FOXP2: variants seen among roughly 807,000 people sequenced by gnomAD.
FOXP2 encodes the protein forkhead box protein P2.
Under a neutral mutation model 115.8 loss-of-function variants are expected in FOXP2, and 12 were observed. The ratio of observed to expected loss-of-function variants is 0.10; its 90% CI spans 0.07 to 0.17. The LOEUF (loss-of-function observed/expected upper bound fraction) is 0.17, where lower values mean the gene tolerates loss of function less well. Ranked by LOEUF, FOXP2 falls within the 10% of genes least tolerant of loss-of-function variation. FOXP2 has a pLI of 1.00. For missense variants in FOXP2, 629 were observed against 843.5 expected, an observed-to-expected ratio of 0.75 and a Z score of 3.15; for synonymous variants, 328 against 297.7, an observed-to-expected ratio of 1.10 and a Z score of -1.05.
At chr7:114,374,890 C>T (rs1792104106) in intron 2 of FOXP2, among the ~76,000 whole-genome samples, 1 of 152,048 alleles carries the variant, frequency 6.6e-6, no homozygotes, top group Non-Finnish European at 1.5e-5. Context: ...TGTAGAAGTT[C>T]ATTGGGATTG....
intron 3 of FOXP2, among the ~76,000 whole-genome samples, chr7:114,537,515 T>C (rs1031141549): frequency 6.6e-6 from 1 of 151,618 alleles, no homozygotes; most frequent in East Asian, 1.9e-4. Flanking sequence ...AACATTCACC[T>C]GAATTTCTTT....
chr7:114,481,762 CTCTATCTATCTA>C lies in FOXP2; in HGVS notation c.169-52817_169-52806del, dbSNP rs3028214. 5.5e-3 allele frequency among the ~76,000 whole-genome samples: 801 copies of C among 145,388 alleles called. 9 individuals carry two copies. Among genetic ancestry groups the C allele is most frequent in the African/African-American group, 0.017 (665 of 39,608 alleles). On this transcript the variant is annotated intron_variant, in intron 2 of 16. Coordinates refer to ENST00000350908, the MANE Select transcript of FOXP2 (RefSeq NM_014491.4). ...CGTTGCAGATGATCTCATATGGAAA[CTCTATCTATCTA>C]TCTATCTATCTATCTATCTATCTAT...
intron 2 of FOXP2, among the ~76,000 whole-genome samples, chr7:114,456,723 C>T (rs1196387681): frequency 2.0e-5 from 3 of 152,130 alleles, no homozygotes; most frequent in Non-Finnish European, 2.9e-5. Flanking sequence ...TTTGCACTCT[C>T]ATGGTCATGG....
rs540143276 is a variant in FOXP2, at chr7:114,166,486, C to T, written c.-102+3398C>T. ...TGGGAGTTCCGACGTGGGCAGATCA[C>T]GAGGTCAGGAGATCAAGACCATCCT... On this transcript the variant is annotated intron_variant, in intron 1 of 17. Coordinates refer to the FOXP2 transcript ENST00000634411. Among the ~76,000 whole-genome samples the T allele has an allele frequency of 2.1e-3, 324 of 152,198 alleles. 1 individual carries two copies. The highest frequency in any genetic ancestry group is 0.017 in the South Asian group (80 of 4,820).
chr7:114,566,748 A>G (rs1289201384), intron 3 of FOXP2, among the ~76,000 whole-genome samples: 1 of 152,130 alleles, frequency 6.6e-6, no homozygotes, highest in African/African-American at 2.4e-5. Context: ...CCTAAATATT[A>G]TAAGACACTA....
chr7:114,293,314 C>G (rs145172763), intron 2 of FOXP2, among the ~76,000 whole-genome samples: 12 of 152,190 alleles, frequency 7.9e-5, no homozygotes, highest in Non-Finnish European at 1.5e-4. Context: ...TTATCTTTGT[C>G]TCTGTTTCTG....
Position 114,395,799 on chromosome 7 carries a change from G to A in FOXP2, c.-10-30703G>A, listed in dbSNP as rs543199882. ...TCACTCATGTTGTTGCAAATGACAG[G>A]ATTTCTCATTCATTTTTATGACTGA... On this transcript the variant is annotated intron_variant, in intron 2 of 17. Coordinates refer to the FOXP2 transcript ENST00000634411. Among the ~76,000 whole-genome samples, 26 of 151,854 alleles carry A rather than the reference G, an allele frequency of 1.7e-4. No individual in the cohort carries two copies. The East Asian group carries it at 4.8e-3, about 28-fold the overall frequency.
At position 114,592,737 on chromosome 7, in the gene FOXP2, A is replaced by G. The variant is rs185915283; in HGVS notation, c.259-35803A>G. ...ATTACAATAATAAAATTCAAGTAAT[A>G]TATCTAAGAAGATGAAATAATTCAG... On this transcript the variant is annotated intron_variant, in intron 3 of 16. Coordinates refer to ENST00000350908, the MANE Select transcript of FOXP2 (RefSeq NM_014491.4). Among the ~76,000 whole-genome samples the G allele has an allele frequency of 1.5e-3, 224 of 152,188 alleles. 1 individual carries two copies. Among genetic ancestry groups the G allele is most frequent in the African/African-American group, 5.0e-3 (209 of 41,566 alleles).
intron 2 of FOXP2, among the ~76,000 whole-genome samples, chr7:114,398,784 G>A (rs891572068): frequency 6.6e-6 from 1 of 151,888 alleles, no homozygotes; most frequent in African/African-American, 2.4e-5. Flanking sequence ...GTCACATTAA[G>A]CTCTCTCAGC....
At chr7:114,687,596 C>T (rs1808432580) in intron 16 of FOXP2, among the ~76,000 whole-genome samples, 2 of 152,178 alleles carry the variant, frequency 1.3e-5, no homozygotes, top group Non-Finnish European at 2.9e-5. Context: ...ATGTTTTTCA[C>T]ATTAGGAGAA....
chr7:114,605,503 A>T (rs1803270165), intron 3 of FOXP2, among the ~76,000 whole-genome samples: 1 of 152,218 alleles, frequency 6.6e-6, no homozygotes, highest in South Asian at 2.1e-4. Flanking sequence ...ATAAAAGACA[A>T]AATGAGATAA....
chr7:114,424,061 A>G (rs958757674), intron 1 of FOXP2, among the ~76,000 whole-genome samples: 2 of 151,606 alleles, frequency 1.3e-5, no homozygotes, highest in African/African-American at 4.8e-5. Context: ...AGGGTTTTAT[A>G]AAGTTAAAAA....
At chr7:114,152,565 A>G (rs565926191) in intron 1 of FOXP2, among the ~76,000 whole-genome samples, 29 of 152,302 alleles carry the variant, frequency 1.9e-4, no homozygotes, top group African/African-American at 7.0e-4. Flanking sequence ...TTAAACAAGA[A>G]GAGGTAACAG....
intron 2 of FOXP2, among the ~76,000 whole-genome samples, chr7:114,314,477 C>A (rs974239576): frequency 6.6e-6 from 1 of 152,014 alleles, no homozygotes; most frequent in East Asian, 1.9e-4. Context: ...ATCACCTGAA[C>A]AATCTCCACT....
chr7:114,586,571 T>C (rs961048080), intron 3 of FOXP2, among the ~76,000 whole-genome samples: 2 of 152,070 alleles, frequency 1.3e-5, no homozygotes, highest in South Asian at 4.1e-4. Flanking sequence ...TGTAGTGTTG[T>C]TGCTGAACTA....
chr7:114,430,979 A>G (rs182018297), intron 2 of FOXP2, among the ~76,000 whole-genome samples: 2 of 151,854 alleles, frequency 1.3e-5, no homozygotes, highest in African/African-American at 2.4e-5. Context: ...TTCTATTAAC[A>G]CTTTTTTCAT....
chr7:114,291,140 C>T (rs921702473), intron 2 of FOXP2, among the ~76,000 whole-genome samples: 30 of 152,094 alleles, frequency 2.0e-4, no homozygotes, highest in African/African-American at 6.8e-4. Context: ...TTTAATTTCT[C>T]ACAGTAATGG....
At chr7:114,398,355 G>A (rs931414022) in intron 2 of FOXP2, among the ~76,000 whole-genome samples, 3 of 151,956 alleles carry the variant, frequency 2.0e-5, no homozygotes, top group African/African-American at 4.8e-5. Context: ...GAATCACAAA[G>A]AGACATGGGA....
intron 1 of FOXP2, among the ~76,000 whole-genome samples, chr7:114,108,531 A>G (rs1324166051): frequency 6.6e-6 from 1 of 151,898 alleles, no homozygotes; most frequent in African/African-American, 2.4e-5. Context: ...AGACCTAATT[A>G]TTCTTGGAGG....
Sources: gnomAD v4.1 joint callset for allele counts (sites outside exome capture counted in the v4.1 genomes callset) on GRCh38, gnomAD v4.1.1 for gene constraint, MANE v1.5 for transcripts, NCBI Gene and HGNC (gene_info 2026-07-23, HGNC 2026-07-21) for gene names.